MTARC1: variants seen among roughly 807,000 people sequenced by gnomAD.
MTARC1 encodes the protein mitochondrial amidoxime reducing component 1, also known as mitochondrial amidoxime-reducing component 1.
Under a neutral mutation model 33.6 loss-of-function variants are expected in MTARC1, and 24 were observed. The observed-to-expected ratio is 0.72, with a 90% CI of 0.52 to 1.01. The LOEUF is 1.01. Among genes scored for constraint, MTARC1 ranks in the 50% least tolerant of loss-of-function variants. MTARC1 has a pLI of 0.00. For synonymous variants in MTARC1, 187 were observed against 189.5 expected, an observed-to-expected ratio of 0.99 and a Z score of 0.11; for missense variants, 417 against 445.7, an observed-to-expected ratio of 0.94 and a Z score of 0.58.
At chr1:220,796,332 T>C (rs1413291438) in intron 2 of MTARC1, among the ~76,000 whole-genome samples, 1 of 152,208 alleles carries the variant, frequency 6.6e-6, no homozygotes, top group Non-Finnish European at 1.5e-5. Flanking sequence ...AGTTTTCTTC[T>C]GGAGAACTCA....
chr1:220,798,106 G>T (rs766804830), intron 4 of MTARC1, 92 bp downstream of exon 4: 6 of 1,611,646 alleles, frequency 3.7e-6, no homozygotes, highest in Non-Finnish European at 5.1e-6. Context: ...ATTCTGAAGG[G>T]TGCATTATTT....
In MTARC1 at chr1:220,806,009, T is replaced by C. The variant is rs181392263; in HGVS notation, c.887+735T>C. 3.6e-3 allele frequency among the ~76,000 whole-genome samples: 546 copies of C among 152,304 alleles called. 4 individuals are homozygous for C. Among genetic ancestry groups the C allele is most frequent in the African/African-American group, 0.012 (515 of 41,556 alleles). On this transcript the variant is annotated intron_variant, in intron 6 of 6. Transcript: ENST00000366910. ...AAACATATAAATGCACATGAGTAGA[T>C]AAAAGGCTGAAAGGATATAAAACAA... is the stretch of plus-strand genomic sequence containing the variant.
chr1:220,811,088 T>A (rs1466675442), intron 6 of MTARC1, among the ~76,000 whole-genome samples: 1 of 152,166 alleles, frequency 6.6e-6, no homozygotes. Flanking sequence ...CTGCAGAGCT[T>A]GGCAGCAACG....
At chr1:220,797,740 G>T in intron 3 of MTARC1, 134 bp from the exon 4 acceptor site, 1 of 826,794 alleles carries the variant, frequency 1.2e-6, no homozygotes, top group South Asian at 1.8e-5. Flanking sequence ...TCTATTAAAA[G>T]AACAAGAGAA....
At chr1:220,804,962 G>T (rs756748458) in intron 4 of MTARC1, 90 bp from the exon 5 acceptor site, 1 of 1,381,962 alleles carries the variant, frequency 7.2e-7, no homozygotes, top group Non-Finnish European at 1.0e-6. Flanking sequence ...GGGTGACATC[G>T]TTAGGTGCGA....
chr1:220,788,023 G>GAAAAAA (rs763539861), intron 1 of MTARC1, among the ~76,000 whole-genome samples: 406 of 151,028 alleles, frequency 2.7e-3, no homozygotes, highest in Middle Eastern at 0.014. Flanking sequence ...AAGAAAGAAA[G>GAAAAAA]AAAGAAAGAG....
intron 4 of MTARC1, 43 bp downstream of exon 4, chr1:220,798,057 T>C (rs957121109): frequency 1.2e-6 from 2 of 1,613,962 alleles, no homozygotes; most frequent in African/African-American, 1.3e-5. Flanking sequence ...ATTTGACTTC[T>C]TTTTTAAGGT....
chr1:220,798,015 G>GT lies in MTARC1; in HGVS notation c.753+2dup. The GT allele has an allele frequency of 6.2e-7, 1 of 1,614,200 alleles. No individual in the cohort carries two copies. Among genetic ancestry groups the GT allele is most frequent in the Non-Finnish European group, 8.5e-7 (1 of 1,180,026 alleles). On this transcript the variant is annotated splice_donor_variant, in intron 4 of 6. Coordinates refer to ENST00000366910, the MANE Select transcript of MTARC1 (RefSeq NM_022746.4). LOFTEE classifies it high-confidence loss of function. Reference sequence around the variant, plus strand: ...TTCAGGATGCGATGTCTATGCAGAGGTAACACTATGCCCCTTTGGATCTTT... The same window carrying GT: ...TTCAGGATGCGATGTCTATGCAGAGGTTAACACTATGCCCCTTTGGATCTTT...
chr1:220,793,355 AC>A (rs1672493107), intron 2 of MTARC1: 1 of 152,138 alleles, frequency 6.6e-6, no homozygotes, highest in African/African-American at 2.4e-5. Flanking sequence ...TTGTGTTGAA[AC>A]TTTTTTCACA....
At chr1:220,805,910 G>A (rs572939869) in intron 6 of MTARC1, among the ~76,000 whole-genome samples, 9 of 152,096 alleles carry the variant, frequency 5.9e-5, no homozygotes, top group Non-Finnish European at 1.0e-4. Context: ...TCAAGATGCT[G>A]TGTTGATTTT....
At chr1:220,811,509 A>C (rs1042961499) in intron 6 of MTARC1, among the ~76,000 whole-genome samples, 4 of 152,014 alleles carry the variant, frequency 2.6e-5, no homozygotes, top group Non-Finnish European at 1.5e-5. Flanking sequence ...TCTAGATTTG[A>C]CTCTCTGTTT....
intron 4 of MTARC1, among the ~76,000 whole-genome samples, chr1:220,800,109 C>T (rs560701204): frequency 2.7e-4 from 41 of 152,206 alleles, no homozygotes; most frequent in Non-Finnish European, 5.1e-4. Flanking sequence ...CAGTAAGATT[C>T]GGATGACAGG....
At chr1:220,792,944 G>T (rs1316541054) in intron 2 of MTARC1, among the ~76,000 whole-genome samples, 1 of 151,958 alleles carries the variant, frequency 6.6e-6, no homozygotes, top group East Asian at 1.9e-4. Context: ...TTTTTTCCAG[G>T]TATTAAGAAG....
intron 6 of MTARC1, among the ~76,000 whole-genome samples, chr1:220,806,178 T>A (rs1672966362): frequency 6.6e-6 from 1 of 152,236 alleles, no homozygotes; most frequent in Non-Finnish European, 1.5e-5. Context: ...TCAGAGCTGA[T>A]ATCTGCCAAA....
At chr1:220,799,799 G>A (rs576375861) in intron 4 of MTARC1, among the ~76,000 whole-genome samples, 2 of 152,188 alleles carry the variant, frequency 1.3e-5, no homozygotes, top group Non-Finnish European at 2.9e-5. Flanking sequence ...GCAAGTGACC[G>A]TACAAGCCTG....
At chr1:220,793,453 C>A (rs528299501) in intron 2 of MTARC1, 1 of 152,162 alleles carries the variant, frequency 6.6e-6, no homozygotes, top group Non-Finnish European at 1.5e-5. Flanking sequence ...AGACATGCTA[C>A]GGTAGTATAC....
intron 6 of MTARC1, among the ~76,000 whole-genome samples, chr1:220,812,399 T>G (rs1041020152): frequency 6.6e-6 from 1 of 152,236 alleles, no homozygotes; most frequent in African/African-American, 2.4e-5. Context: ...TATAGTGCAG[T>G]GTCAACAATG....
At chr1:220,809,426 G>A (rs1045493664) in intron 6 of MTARC1, among the ~76,000 whole-genome samples, 24 of 152,106 alleles carry the variant, frequency 1.6e-4, no homozygotes, top group African/African-American at 5.8e-4. Context: ...CTTGCCCAGC[G>A]GCCAGCCTCT....
In MTARC1 at chr1:220,818,301, G is replaced by A. The variant is rs566429574; in HGVS notation, c.*4883G>A. The A allele has an allele frequency of 6.6e-5, 10 of 152,332 alleles. No individual in the cohort carries two copies. The highest frequency in any genetic ancestry group is 2.2e-4 in the African/African-American group (9 of 41,560). The allele number at this position is 152,332 out of a possible 1,614,324, so 9.4% of individuals were successfully genotyped here. On this transcript the variant is annotated 3_prime_UTR_variant, in exon 7 of 7. Transcript: ENST00000366910. ...TGGGGCACCTGCTCCCATGCTCTGT[G>A]GCCTGGCTCAGAGAGAAGAGTTGCC...
Sources: allele counts gnomAD v4.1 joint callset (sites outside exome capture counted in the v4.1 genomes callset), GRCh38; gene constraint gnomAD v4.1.1; transcripts MANE v1.5; gene names NCBI Gene and HGNC (gene_info 2026-07-23, HGNC 2026-07-21).